The following ENDOU variants were observed in gnomAD, a reference collection of about 807,000 sequenced individuals.
The protein encoded by ENDOU is uridylate-specific endoribonuclease.
ENDOU carries 49 observed loss-of-function variants against 54.2 expected under a neutral mutation model. The observed-to-expected ratio is 0.90, with a 90% confidence interval of 0.72 to 1.15. ENDOU has a LOEUF of 1.15. ENDOU is among the 50% of genes most tolerant of loss of function. The pLI, the probability that ENDOU is intolerant of heterozygous loss-of-function variation, is 0.00. For missense variants in ENDOU, 458 were observed against 511.4 expected, an observed-to-expected ratio of 0.90 and a Z score of 1.01; for synonymous variants, 172 against 190.5, an observed-to-expected ratio of 0.90 and a Z score of 0.80.
intron 1 of ENDOU, among the ~76,000 whole-genome samples, chr12:47,723,777 C>T (rs1392947435): frequency 6.6e-6 from 1 of 152,128 alleles, no homozygotes; most frequent in East Asian, 1.9e-4. Flanking sequence ...ATGCTGTTTC[C>T]ATGGAGACCT....
chr12:47,710,694 T>G lies in ENDOU; in HGVS notation c.*108A>C. The G allele has an allele frequency of 6.6e-6, 5 of 757,692 alleles. No individual in the cohort carries two copies. Among genetic ancestry groups the G allele is most frequent in the South Asian group, 1.5e-5 (1 of 65,328 alleles). The allele number at this position is 757,692 out of a possible 1,614,324, so 46.9% of individuals were successfully genotyped here. On this transcript the variant is annotated 3_prime_UTR_variant, in exon 10 of 10. Transcript: ENST00000422538. ...GATTTAGGAATGCTTCTCATTGCTT[T>G]GAGATTTGGTGATCCCTTCCAGTCC...
At chr12:47,711,119 T>C (rs577349100) in intron 9 of ENDOU, among the ~76,000 whole-genome samples, 200 bp from the exon 10 acceptor site, 1 of 152,364 alleles carries the variant, frequency 6.6e-6, no homozygotes, top group Non-Finnish European at 1.5e-5. Flanking sequence ...TTGCCTTATT[T>C]CTTGTCTTCT....
intron 9 of ENDOU, among the ~76,000 whole-genome samples, chr12:47,711,249 T>A (rs1209097051): frequency 1.3e-5 from 2 of 152,176 alleles, no homozygotes; most frequent in African/African-American, 4.8e-5. Context: ...ACTCAACGTG[T>A]CCGAATGTTA....
In ENDOU at chr12:47,722,857, A is replaced by T. The variant is rs531844220; in HGVS notation, c.56-1982T>A. ...CAGGAAGGCAGGTTTCCAGTCCCTA[A>T]AAGAGACCAGGCCCAAGGCCACTTG... On this transcript the variant is annotated intron_variant, in intron 1 of 9. Transcript: ENST00000422538. Among the ~76,000 whole-genome samples the T allele has an allele frequency of 2.6e-5, 4 of 152,302 alleles. No homozygotes were observed. The East Asian group carries it at 7.7e-4, about 29-fold the overall frequency.
chr12:47,712,536 T>C lies in ENDOU; in HGVS notation c.952A>G (p.Ser318Gly). 1 of 1,613,752 alleles carries C rather than the reference T, an allele frequency of 6.2e-7. No homozygotes were observed. The highest frequency in any genetic ancestry group is 8.5e-7 in the Non-Finnish European group (1 of 1,179,664). Reference protein sequence around the residue: ...EEKEGLVDYYSHIYDGPWDSY... With the variant: ...EEKEGLVDYYGHIYDGPWDSY... The stretch of plus-strand genomic sequence containing the variant: ...CTCACAGGCCCATCGTAGATGTGAC[T>C]GTAATAGTCAACCAGACCCTCCTTC... Residue 318 changes from serine to glycine, a missense_variant, in exon 8 of 10, where the codon AGT (serine) becomes GGT (glycine). By Grantham distance (56) the Ser-to-Gly change is moderately conservative. Coordinates refer to ENST00000422538, the MANE Select transcript of ENDOU (RefSeq NM_001172439.2).
chr12:47,716,428 T>C lies in ENDOU; in HGVS notation c.623A>G (p.Asn208Ser). 1 of 1,614,088 alleles carries C rather than the reference T, an allele frequency of 6.2e-7. No individual in the cohort carries two copies. Among genetic ancestry groups the C allele is most frequent in the Admixed American group, 1.7e-5 (1 of 60,018 alleles). ...TYAAFINLLNNYQRATGHGEH... is the reference protein window; with the variant it reads ...TYAAFINLLNSYQRATGHGEH... ...CCCATGGCCTGTTGCCCGCTGGTAG[T>C]TGTTGAGGAGGTTGATGAAGGCTGC... The change falls in exon 6 of 10, where the codon AAC becomes AGC. Residue 208 changes from asparagine (N) to serine (S), a missense_variant. Coordinates refer to ENST00000422538, the MANE Select transcript of ENDOU (RefSeq NM_001172439.2).
At chr12:47,715,186 G>A (rs559985275) in intron 6 of ENDOU, among the ~76,000 whole-genome samples, 12 of 152,320 alleles carry the variant, frequency 7.9e-5, no homozygotes, top group Admixed American at 2.0e-4. Flanking sequence ...CAGAGGTGCC[G>A]AAAGCCAGAG....
chr12:47,714,068 T>C (rs1390189748), intron 6 of ENDOU, among the ~76,000 whole-genome samples: 1 of 152,268 alleles, frequency 6.6e-6, no homozygotes, highest in Non-Finnish European at 1.5e-5. Flanking sequence ...TTAGATTTAC[T>C]AATTGCTTTC....
rs144622942 is a variant in ENDOU at position 47,717,192 on chromosome 12, C to T, written c.383-134G>A. ...AGGGAGGGGGGCCACAGTTGGACAC[C>T]CTAGTGGTGGACAGGGGCCCAGAGC... On this transcript the variant is annotated intron_variant, in intron 4 of 9. Coordinates refer to ENST00000422538, the MANE Select transcript of ENDOU (RefSeq NM_001172439.2). The T allele has an allele frequency of 2.8e-5, 20 of 715,606 alleles. No homozygotes were observed. In the African/African-American group the frequency reaches 3.5e-4, roughly 13 times the overall value. 44.3% of individuals were successfully genotyped at this position (715,606 alleles called of 1,614,324 possible). A position where few individuals can be genotyped will look rare whatever the true frequency, so the allele number is the denominator to read the frequency against.
At position 47,711,737 on chromosome 12, in the gene ENDOU, G is replaced by T. The variant is rs771730738; in HGVS notation, c.1011C>A (p.Asn337Lys). 1.2e-6 allele frequency: 2 copies of T among 1,614,210 alleles called. No homozygotes were observed. The highest frequency in any genetic ancestry group is 1.7e-6 in the Non-Finnish European group (2 of 1,180,040). ...CCACTTCCTTATAGTAGCCGTCCCA[G>T]TTGAACTGCATTGCCAGCACATCGG... Reference protein sequence around the residue: ...SYPDVLAMQFNWDGYYKEVGS... With the variant: ...SYPDVLAMQFKWDGYYKEVGS... The change falls in exon 9 of 10, where the codon AAC (asparagine) becomes AAA (lysine). Residue 337 changes from asparagine (N) to lysine (K), a missense_variant. Physicochemically the swap from Asn to Lys is moderately conservative, Grantham distance 94. Coordinates refer to ENST00000422538, the MANE Select transcript of ENDOU (RefSeq NM_001172439.2).
At chr12:47,716,616 G>A (rs537884433) in intron 5 of ENDOU, 117 bp from the exon 6 acceptor site, 8 of 868,568 alleles carry the variant, frequency 9.2e-6, no homozygotes, top group African/African-American at 1.7e-5. Context: ...GGAGCCGAGG[G>A]GGCACTTCGG....
In ENDOU at chr12:47,716,368, T is replaced by C; in HGVS notation, c.683A>G (p.Asp228Gly). The part of the protein sequence containing the change: ...HFSAQELAEQ[D>G]AFLREIMKTA... ...CTTCATGATCTCTCTGAGGAAGGCGTCCTGCTCGGCCAGCTCCTGGGCACT... is the reference window on the plus strand; with the variant it reads ...CTTCATGATCTCTCTGAGGAAGGCGCCCTGCTCGGCCAGCTCCTGGGCACT... The change falls in exon 6 of 10, where the codon GAC becomes GGC. Residue 228 changes from aspartate (D) to glycine (G), a missense_variant. Coordinates refer to ENST00000422538, the MANE Select transcript of ENDOU (RefSeq NM_001172439.2). The C allele has an allele frequency of 6.2e-7, 1 of 1,613,970 alleles. No individual in the cohort carries two copies. Among genetic ancestry groups the C allele is most frequent in the Admixed American group, 1.7e-5 (1 of 60,010 alleles).
intron 9 of ENDOU, 64 bp downstream of exon 9, chr12:47,711,569 T>G (rs756075483): frequency 6.4e-6 from 10 of 1,568,188 alleles, no homozygotes; most frequent in Non-Finnish European, 8.7e-6. Context: ...CTCTTGACTC[T>G]GTGATGGCTG....
At chr12:47,721,019 C>T (rs1409782823) in intron 1 of ENDOU, 144 bp from the exon 2 acceptor site, 3 of 736,738 alleles carry the variant, frequency 4.1e-6, no homozygotes, top group Non-Finnish European at 4.4e-6. Flanking sequence ...AGTACATCCA[C>T]AGCCTCCCAT....
rs1488508158 is a variant in ENDOU, at chr12:47,713,751, G to GA, written c.752-364_752-363insT. Among the ~76,000 whole-genome samples, 126 of 140,820 alleles carry GA rather than the reference G, an allele frequency of 8.9e-4. 6 individuals are homozygous for GA. Among genetic ancestry groups the GA allele is most frequent in the African/African-American group, 3.2e-3 (122 of 38,030 alleles). The allele number at this position is 140,820 out of a possible 152,430, so 92.4% of individuals were successfully genotyped here. Reference sequence around the variant, plus strand: ...GGCACATAAGTTGGCGGGGGGGGGGGGTCTTCTAGAAAGGAACATCAGAAA... The same window carrying GA: ...GGCACATAAGTTGGCGGGGGGGGGGGAGTCTTCTAGAAAGGAACATCAGAAA... On this transcript the variant is annotated intron_variant, in intron 6 of 9. Coordinates refer to ENST00000422538, the MANE Select transcript of ENDOU (RefSeq NM_001172439.2).
At position 47,716,487 on chromosome 12, in the gene ENDOU, A is replaced by C. The variant is rs201722368; in HGVS notation, c.564T>G (p.Tyr188Ter). 2.5e-6 allele frequency: 4 copies of C among 1,613,478 alleles called. No individual in the cohort carries two copies. Among genetic ancestry groups the C allele is most frequent in the Non-Finnish European group, 3.4e-6 (4 of 1,180,034 alleles). ...GCTTGGAGAACAGCTTCTCATTGACATAAGTGAAGAGTCTGGGGGAGGCAG... is the reference window on the plus strand; with the variant it reads ...GCTTGGAGAACAGCTTCTCATTGACCTAAGTGAAGAGTCTGGGGGAGGCAG... Reference protein sequence around the residue: ...VDRCPKPLFTYVNEKLFSKPT... With the variant: ...VDRCPKPLFT The change falls in exon 6 of 10, where the codon TAT (tyrosine) becomes TAG (stop). Residue 188 changes from tyrosine (Y) to a stop codon, truncating the protein, a stop_gained. Coordinates refer to ENST00000422538, the MANE Select transcript of ENDOU (RefSeq NM_001172439.2). LOFTEE classifies it high-confidence loss of function.
rs1473765406 is a variant in ENDOU at position 47,713,363 on chromosome 12, A to G, written c.777T>C (p.Phe259=). The change falls in exon 7 of 10, where the codon TTT becomes TTC. Residue 259 remains phenylalanine, a synonymous_variant. Transcript: ENST00000422538. ...ACCACATGTTCTTCAAGTCATCGAC[A>G]AACTCTTGCTCTGAGCCATAGCGAT... ...HQNRYGSEQE[F]VDDLKNMWFG... 1 of 1,614,004 alleles carries G rather than the reference A, an allele frequency of 6.2e-7. No homozygotes were observed. Among genetic ancestry groups the G allele is most frequent in the East Asian group, 2.2e-5 (1 of 44,882 alleles).
intron 6 of ENDOU, among the ~76,000 whole-genome samples, chr12:47,715,890 G>T (rs977284915): frequency 6.6e-6 from 1 of 152,172 alleles, no homozygotes; most frequent in African/African-American, 2.4e-5. Flanking sequence ...ATTGCGGGAG[G>T]AGGGAGTAGA....
chr12:47,710,801 A>T lies in ENDOU; in HGVS notation c.*1T>A. On this transcript the variant is annotated 3_prime_UTR_variant, in exon 10 of 10. Coordinates refer to ENST00000422538, the MANE Select transcript of ENDOU (RefSeq NM_001172439.2). ...ATGCCCCTTTCTGGCTCGAAGTTCT[A>T]TTAGGTGGAAGACACTATGTAGGCT... The T allele has an allele frequency of 1.9e-6, 3 of 1,609,024 alleles. No individual in the cohort carries two copies. The highest frequency in any genetic ancestry group is 2.2e-5 in the South Asian group (2 of 90,952).
Sources: gnomAD v4.1 joint callset for allele counts (sites outside exome capture counted in the v4.1 genomes callset) on GRCh38, gnomAD v4.1.1 for gene constraint, MANE v1.5 for transcripts, NCBI Gene and HGNC (gene_info 2026-07-23, HGNC 2026-07-21) for gene names.